RANBP2: variants seen among roughly 807,000 people sequenced by gnomAD.
RANBP2 encodes the protein RAN binding protein 2, also known as E3 SUMO-protein ligase RanBP2.
RANBP2 carries 57 observed loss-of-function variants against 303.6 expected under a neutral mutation model. The ratio of observed to expected loss-of-function variants is 0.19; its 90% CI spans 0.15 to 0.23. RANBP2 has a LOEUF of 0.23. Ranked by LOEUF, RANBP2 falls within the 10% of genes least tolerant of loss-of-function variation. RANBP2 has a pLI of 1.00. For missense variants in RANBP2, 3,138 were observed against 3,780.8 expected, an observed-to-expected ratio of 0.83 and a Z score of 4.46; for synonymous variants, 1,167 against 1,301.5, an observed-to-expected ratio of 0.90 and a Z score of 2.23.
chr2:109,608,849 T>TA, the RANBP2 span, among the ~76,000 whole-genome samples: 7 of 152,218 alleles, frequency 4.6e-5, no homozygotes, highest in Non-Finnish European at 1.0e-4. Flanking sequence ...GTGTAAGAAT[T>TA]AAAGTTCTCA....
the RANBP2 span, among the ~76,000 whole-genome samples, chr2:109,078,710 C>T: frequency 1.2e-4 from 18 of 149,664 alleles, 2 homozygotes; most frequent in Non-Finnish European, 1.3e-4. Context: ...GGGCCGGGCG[C>T]GTTGGTGCGC....
At chr2:109,443,192 T>G in the RANBP2 span, among the ~76,000 whole-genome samples, 1 of 152,274 alleles carries the variant, frequency 6.6e-6, no homozygotes, top group Non-Finnish European at 1.5e-5. Flanking sequence ...TAGTAGATTC[T>G]ATTTTATTTA....
chr2:109,095,568 T>C, the RANBP2 span, among the ~76,000 whole-genome samples: 1 of 152,158 alleles, frequency 6.6e-6, no homozygotes. Context: ...TGAGCAACGG[T>C]TGAGCAAGTT....
the RANBP2 span, among the ~76,000 whole-genome samples, chr2:109,078,830 A>C: frequency 1.3e-5 from 2 of 151,632 alleles, no homozygotes; most frequent in African/African-American, 2.4e-5. Context: ...AAAATACAAA[A>C]AAAAAAAAAA....
downstream of RANBP2, chr2:108,786,830 C>G (rs1291586687): frequency 1.3e-6 from 2 of 1,589,990 alleles, no homozygotes; most frequent in Admixed American, 1.8e-5. Flanking sequence ...GCTATGGAGC[C>G]GAGGGTCGTC....
At chr2:109,655,568 C>A in the RANBP2 span, among the ~76,000 whole-genome samples, 1 of 152,004 alleles carries the variant, frequency 6.6e-6, no homozygotes, top group Non-Finnish European at 1.5e-5. Flanking sequence ...CGAGGGTCAG[C>A]ACCCACCCAG....
At chr2:109,358,423 G>T in the RANBP2 span, among the ~76,000 whole-genome samples, 3 of 152,236 alleles carry the variant, frequency 2.0e-5, no homozygotes, top group Non-Finnish European at 4.4e-5. Context: ...TAAGGAGTGT[G>T]ATTACTAGTT....
chr2:109,202,732 T>A, the RANBP2 span, among the ~76,000 whole-genome samples: 3 of 152,166 alleles, frequency 2.0e-5, no homozygotes, highest in Non-Finnish European at 2.9e-5. Context: ...GCCACGGCCT[T>A]CCCGTGGGGC....
At chr2:109,320,712 C>A in the RANBP2 span, among the ~76,000 whole-genome samples, 2 of 152,160 alleles carry the variant, frequency 1.3e-5, no homozygotes, top group African/African-American at 4.8e-5. Flanking sequence ...AGATATCAGC[C>A]CCGCAGATGA....
the RANBP2 span, among the ~76,000 whole-genome samples, chr2:109,412,025 C>A: frequency 6.6e-6 from 1 of 152,198 alleles, no homozygotes; most frequent in South Asian, 2.1e-4. Context: ...TCCCACTGTC[C>A]ACACCTCAGG....
chr2:109,205,011 C>T, the RANBP2 span, among the ~76,000 whole-genome samples: 33 of 152,120 alleles, frequency 2.2e-4, no homozygotes, highest in Middle Eastern at 3.4e-3. Context: ...AGGTTGAGAC[C>T]GGCCTGGTCA....
the RANBP2 span, among the ~76,000 whole-genome samples, chr2:109,670,481 G>A: frequency 6.6e-6 from 1 of 152,044 alleles, no homozygotes. Flanking sequence ...ATGTTGGGCT[G>A]GGGGCACTAT....
chr2:109,482,115 T>G, the RANBP2 span, among the ~76,000 whole-genome samples: 1 of 152,162 alleles, frequency 6.6e-6, no homozygotes, highest in Non-Finnish European at 1.5e-5. Context: ...CGGGTTCGAA[T>G]GCGGCTTGTG....
the RANBP2 span, among the ~76,000 whole-genome samples, chr2:109,304,924 G>A: frequency 3.9e-5 from 6 of 152,258 alleles, no homozygotes; most frequent in East Asian, 1.9e-4. Flanking sequence ...AAAACTGCTC[G>A]GTTGGGTTTC....
chr2:109,095,445 G>A, the RANBP2 span, among the ~76,000 whole-genome samples: 1 of 152,190 alleles, frequency 6.6e-6, no homozygotes, highest in East Asian at 1.9e-4. Flanking sequence ...CTAATTCAGA[G>A]GGTTTTAAAA....
the RANBP2 span, among the ~76,000 whole-genome samples, chr2:109,217,360 C>T: frequency 3.3e-5 from 5 of 152,296 alleles, no homozygotes; most frequent in African/African-American, 1.2e-4. Context: ...CTTACCATAT[C>T]GTGAATGAGG....
the RANBP2 span, chr2:108,908,162 T>C: frequency 6.7e-6 from 6 of 891,310 alleles, no homozygotes; most frequent in Non-Finnish European, 1.0e-5. Flanking sequence ...CTGGGCACCT[T>C]GTGGGCACGG....
intron 4 of RANBP2, among the ~76,000 whole-genome samples, chr2:108,732,527 C>T (rs568654556): frequency 6.6e-6 from 1 of 152,288 alleles, no homozygotes; most frequent in East Asian, 1.9e-4. Context: ...GGATACTCAA[C>T]CTGTTTAACC....
At chr2:109,275,718 G>T in the RANBP2 span, among the ~76,000 whole-genome samples, 1 of 152,204 alleles carries the variant, frequency 6.6e-6, no homozygotes, top group Non-Finnish European at 1.5e-5. Context: ...TCATCTCGCT[G>T]TTTGCCGGGT....
Sources: allele counts gnomAD v4.1 joint callset (sites outside exome capture counted in the v4.1 genomes callset), GRCh38; gene constraint gnomAD v4.1.1; transcripts MANE v1.5; gene names NCBI Gene and HGNC (gene_info 2026-07-23, HGNC 2026-07-21).